The following CNST variants were observed in gnomAD, a reference collection of about 807,000 sequenced individuals.
The protein encoded by CNST is consortin, connexin sorting protein.
In CNST, 39 loss-of-function variants were observed where a neutral mutation model predicts 72.4. That is an observed-to-expected ratio of 0.54 (90% CI 0.42 to 0.70). The LOEUF (loss-of-function observed/expected upper bound fraction) is 0.70, where lower values mean the gene tolerates loss of function less well. Ranked by LOEUF, CNST falls within the 30% of genes least tolerant of loss-of-function variation. The probability of loss-of-function intolerance (pLI) is 0.00; values close to 1 mark genes in which losing one functional copy is unlikely to be tolerated. For missense variants in CNST, 871 were observed against 868.5 expected, an observed-to-expected ratio of 1.00 and a Z score of -0.04; for synonymous variants, 332 against 320.1, an observed-to-expected ratio of 1.04 and a Z score of -0.40.
intron 10 of CNST, among the ~76,000 whole-genome samples, chr1:246,664,588 A>T (rs573706701): frequency 4.6e-5 from 7 of 151,910 alleles, no homozygotes; most frequent in Non-Finnish European, 8.8e-5. Context: ...CACCACGCCC[A>T]GCTGATTTTT....
intron 1 of CNST, among the ~76,000 whole-genome samples, chr1:246,583,388 A>G (rs1660921932): frequency 6.6e-6 from 1 of 152,256 alleles, no homozygotes; most frequent in South Asian, 2.1e-4. Flanking sequence ...ATTGCCTGTC[A>G]TTGATCACAT....
intron 10 of CNST, among the ~76,000 whole-genome samples, chr1:246,662,482 G>T (rs563181592): frequency 2.0e-5 from 3 of 152,158 alleles, no homozygotes; most frequent in Non-Finnish European, 4.4e-5. Context: ...TCCGCCTCCC[G>T]AGTTCAAGCG....
At chr1:246,659,413 T>C (rs1021059488) in intron 9 of CNST, among the ~76,000 whole-genome samples, 1 of 152,038 alleles carries the variant, frequency 6.6e-6, no homozygotes, top group Non-Finnish European at 1.5e-5. Flanking sequence ...GCTAACTCGG[T>C]GAAACCCCGT....
intron 6 of CNST, among the ~76,000 whole-genome samples, chr1:246,638,484 G>A (rs1301749379): frequency 6.6e-6 from 1 of 152,170 alleles, no homozygotes; most frequent in Non-Finnish European, 1.5e-5. Flanking sequence ...TTGCAATTAG[G>A]AAACCCCGTT....
Position 246,576,993 on chromosome 1 carries a change from C to T in CNST, c.-52+10330C>T, listed in dbSNP as rs182328475. 3.9e-3 allele frequency among the ~76,000 whole-genome samples: 600 copies of T among 152,004 alleles called. 10 individuals carry two copies. Among genetic ancestry groups the T allele is most frequent in the African/African-American group, 0.014 (576 of 41,344 alleles). ...AAGTCTCATTCTAACATGTTTTTAC[C>T]TTAAAATTTTTTAAAAATTGGATTA... is the stretch of plus-strand genomic sequence containing the variant. On this transcript the variant is annotated intron_variant, in intron 1 of 10. Transcript: ENST00000366513.
intron 3 of CNST, among the ~76,000 whole-genome samples, chr1:246,626,619 G>C (rs1321742899): frequency 6.6e-6 from 1 of 151,160 alleles, no homozygotes; most frequent in African/African-American, 2.4e-5. Context: ...ACCACACCTG[G>C]CTAATTTTTA....
chr1:246,570,903 G>A (rs1284641573), intron 1 of CNST, among the ~76,000 whole-genome samples: 1 of 152,126 alleles, frequency 6.6e-6, no homozygotes, highest in African/African-American at 2.4e-5. Flanking sequence ...TATGCTTAAT[G>A]AGAAATTCTA....
chr1:246,585,098 G>C (rs975151840), intron 1 of CNST, among the ~76,000 whole-genome samples: 1 of 152,122 alleles, frequency 6.6e-6, no homozygotes, highest in Non-Finnish European at 1.5e-5. Context: ...ATCTATTTCA[G>C]GCTTGCCTTT....
At chr1:246,656,207 T>C (rs1666759487) in intron 9 of CNST, among the ~76,000 whole-genome samples, 1 of 150,656 alleles carries the variant, frequency 6.6e-6, no homozygotes. Flanking sequence ...TTTTCTTCTT[T>C]AATTTTGTGA....
intron 10 of CNST, among the ~76,000 whole-genome samples, chr1:246,665,115 A>T (rs1033739607): frequency 3.3e-5 from 5 of 152,164 alleles, no homozygotes; most frequent in Non-Finnish European, 7.3e-5. Context: ...CACACCTGTA[A>T]TCCCAGTACT....
chr1:246,578,129 T>A (rs768839670), intron 1 of CNST, among the ~76,000 whole-genome samples: 8 of 152,056 alleles, frequency 5.3e-5, no homozygotes, highest in Non-Finnish European at 7.3e-5. Flanking sequence ...TGGGCTATGT[T>A]TTGGTGAGGA....
Position 246,593,213 on chromosome 1 carries a change from T to C in CNST, c.379+1272T>C, listed in dbSNP as rs1307677043. Among the ~76,000 whole-genome samples, 7 of 152,190 alleles carry C rather than the reference T, an allele frequency of 4.6e-5. No individual in the cohort carries two copies. In the South Asian group the frequency reaches 1.0e-3, roughly 22 times the overall value. ...GTAATTTGAAAACTTTTTAATATAATTCATAATCTGGCTTTCTGGTTAATG... is the reference window on the plus strand; with the variant it reads ...GTAATTTGAAAACTTTTTAATATAACTCATAATCTGGCTTTCTGGTTAATG... On this transcript the variant is annotated intron_variant, in intron 2 of 10. Transcript: ENST00000366513.
chr1:246,663,466 C>G (rs768685689), intron 10 of CNST, among the ~76,000 whole-genome samples: 3 of 151,812 alleles, frequency 2.0e-5, no homozygotes, highest in Non-Finnish European at 4.4e-5. Flanking sequence ...TTAGACTGGG[C>G]GTGGTGGCTT....
intron 1 of CNST, among the ~76,000 whole-genome samples, chr1:246,582,299 C>CT (rs1371903038): frequency 2.0e-5 from 3 of 152,034 alleles, no homozygotes; most frequent in Non-Finnish European, 2.9e-5. Flanking sequence ...GGGTTCATAA[C>CT]TGTCTTTTAC....
At position 246,652,034 on chromosome 1, in the gene CNST, T is replaced by C. The variant is rs972805249; in HGVS notation, c.1836+3997T>C. Among the ~76,000 whole-genome samples the C allele has an allele frequency of 3.3e-5, 5 of 152,322 alleles. No individual in the cohort carries two copies. In the South Asian group the frequency reaches 8.3e-4, roughly 25 times the overall value. Reference sequence around the variant, plus strand: ...TAACAGTCGTCTGGCACCAAGTGTGTTGTCTTTTTGCTGAATTTGAACATC... The same window carrying C: ...TAACAGTCGTCTGGCACCAAGTGTGCTGTCTTTTTGCTGAATTTGAACATC... On this transcript the variant is annotated intron_variant, in intron 9 of 10. Coordinates refer to ENST00000366513, the MANE Select transcript of CNST (RefSeq NM_152609.3).
At chr1:246,568,221 T>G (rs764779217) in intron 1 of CNST, among the ~76,000 whole-genome samples, 1 of 152,242 alleles carries the variant, frequency 6.6e-6, no homozygotes, top group African/African-American at 2.4e-5. Context: ...TGCACTGTCT[T>G]ATTTCATAAT....
chr1:246,631,917 G>T lies in CNST; in HGVS notation c.609G>T (p.Glu203Asp). The T allele has an allele frequency of 1.3e-6, 2 of 1,548,330 alleles. No homozygotes were observed. Among genetic ancestry groups the T allele is most frequent in the Admixed American group, 1.8e-5 (1 of 54,154 alleles). The change falls in exon 4 of 11, where the codon GAG becomes GAT. Residue 203 changes from glutamate (E) to aspartate (D), a missense_variant. Glu to Asp is a conservative substitution (Grantham distance 45, BLOSUM62 2). Coordinates refer to ENST00000366513, the MANE Select transcript of CNST (RefSeq NM_152609.3). The stretch of plus-strand genomic sequence containing the variant: ...AGATAGCAGAATCCTATTTCCAGGA[G>T]GAGGACTGTATCCTTTTCTTAATTA... ...LHQIAESYFQEEDYEKAMKFI... is the reference protein window; with the variant it reads ...LHQIAESYFQDEDYEKAMKFI...
At chr1:246,602,355 C>T (rs923869748) in intron 2 of CNST, among the ~76,000 whole-genome samples, 3 of 152,096 alleles carry the variant, frequency 2.0e-5, no homozygotes, top group Non-Finnish European at 4.4e-5. Flanking sequence ...TGACTTAAGT[C>T]TCTTATGAGG....
intron 9 of CNST, among the ~76,000 whole-genome samples, chr1:246,656,479 C>G (rs1446153146): frequency 6.6e-6 from 1 of 152,068 alleles, no homozygotes; most frequent in Non-Finnish European, 1.5e-5. Context: ...AATTATAGCT[C>G]AGACATTCTT....
Sources: gnomAD v4.1 joint callset for allele counts (sites outside exome capture counted in the v4.1 genomes callset) on GRCh38, gnomAD v4.1.1 for gene constraint, MANE v1.5 for transcripts, NCBI Gene and HGNC (gene_info 2026-07-23, HGNC 2026-07-21) for gene names.